NAV2: variants seen among roughly 807,000 people sequenced by gnomAD.
The protein encoded by NAV2 is helicase, APC down-regulated 1.
Under a neutral mutation model 223.2 loss-of-function variants are expected in NAV2, and 54 were observed. The ratio of observed to expected loss-of-function variants is 0.24; its 90% CI spans 0.19 to 0.30. NAV2 has a LOEUF of 0.30. NAV2 is among the 10% of genes least tolerant of loss of function. The probability of loss-of-function intolerance (pLI) is 1.00; values close to 1 mark genes in which losing one functional copy is unlikely to be tolerated. For missense variants in NAV2, 2,806 were observed against 3,147.5 expected (o/e 0.89, Z 2.60); for synonymous variants, 1,279 against 1,239.3 (o/e 1.03, Z -0.67).
chr11:19,777,742 A>T, intron 1 of NAV2: 1 of 414,212 alleles, frequency 2.4e-6, no homozygotes. Context: ...GAGTCATTGA[A>T]GGGGGGTGGG....
chr11:19,540,072 T>G (rs1324483609), intron 1 of NAV2, among the ~76,000 whole-genome samples: 1 of 152,180 alleles, frequency 6.6e-6, no homozygotes, highest in African/African-American at 2.4e-5. Context: ...TAAACACGAT[T>G]GAATATTCCT....
chr11:20,086,568 C>T (rs1302234574), intron 26 of NAV2, among the ~76,000 whole-genome samples: 2 of 152,090 alleles, frequency 1.3e-5, no homozygotes, highest in African/African-American at 2.4e-5. Flanking sequence ...ATTATTTGTT[C>T]TCTGTCCCCC....
intron 1 of NAV2, among the ~76,000 whole-genome samples, chr11:19,604,424 C>A (rs1162448730): frequency 6.6e-6 from 1 of 152,030 alleles, no homozygotes; most frequent in East Asian, 1.9e-4. Flanking sequence ...AAAATGACTC[C>A]AAGCATTGGG....
chr11:19,723,267 G>A (rs968981387), intron 1 of NAV2, among the ~76,000 whole-genome samples: 4 of 152,180 alleles, frequency 2.6e-5, no homozygotes, highest in Admixed American at 6.5e-5. Flanking sequence ...ATCCTCAAAC[G>A]AACTTTCTGA....
At chr11:19,972,647 T>C (rs973727647) in intron 10 of NAV2, among the ~76,000 whole-genome samples, 3 of 151,738 alleles carry the variant, frequency 2.0e-5, no homozygotes, top group African/African-American at 7.2e-5. Flanking sequence ...AAGCCAATAT[T>C]GCCTGGCAGA....
chr11:19,977,683 C>T (rs2049884928), intron 10 of NAV2, among the ~76,000 whole-genome samples: 1 of 152,006 alleles, frequency 6.6e-6, no homozygotes, highest in Non-Finnish European at 1.5e-5. Context: ...TTATAATTCG[C>T]ACTGAGAAAT....
intron 1 of NAV2, among the ~76,000 whole-genome samples, chr11:19,627,030 G>A (rs2047190899): frequency 6.6e-6 from 1 of 152,284 alleles, no homozygotes. Flanking sequence ...TTACCCTCAG[G>A]TGCTAAAGTG....
At chr11:19,855,384 A>G (rs541963406) in intron 3 of NAV2, among the ~76,000 whole-genome samples, 1 of 152,308 alleles carries the variant, frequency 6.6e-6, no homozygotes, top group Admixed American at 6.5e-5. Flanking sequence ...CCACCTGGTC[A>G]TTCGAAATCC....
chr11:19,682,967 T>C (rs933687449), intron 1 of NAV2, among the ~76,000 whole-genome samples: 12 of 152,220 alleles, frequency 7.9e-5, no homozygotes, highest in African/African-American at 2.9e-4. Context: ...TTTTCCAAGG[T>C]TGCAGAACTA....
intron 1 of NAV2, among the ~76,000 whole-genome samples, chr11:19,495,641 C>T (rs572579490): frequency 6.6e-6 from 1 of 152,218 alleles, no homozygotes; most frequent in Admixed American, 6.5e-5. Flanking sequence ...TTATTCTAGG[C>T]ACAGGTATAT....
intron 1 of NAV2, among the ~76,000 whole-genome samples, chr11:19,749,885 C>A (rs2053661684): frequency 6.6e-6 from 1 of 152,234 alleles, no homozygotes; most frequent in African/African-American, 2.4e-5. Context: ...TGCCTCACGT[C>A]TATGGCTTTG....
intron 12 of NAV2, among the ~76,000 whole-genome samples, chr11:20,036,457 C>T (rs900781850): frequency 6.6e-6 from 1 of 152,184 alleles, no homozygotes; most frequent in Non-Finnish European, 1.5e-5. Flanking sequence ...TTATTTGCCG[C>T]AGCAAGCCAC....
chr11:20,011,943 A>G (rs2053594275), intron 11 of NAV2, among the ~76,000 whole-genome samples: 1 of 152,240 alleles, frequency 6.6e-6, no homozygotes, highest in Non-Finnish European at 1.5e-5. Context: ...GCTGCCAATA[A>G]AGCTTGTATT....
chr11:20,003,213 G>A (rs11604179), intron 11 of NAV2, among the ~76,000 whole-genome samples: 7,171 of 152,302 alleles, frequency 0.047, 227 homozygotes, highest in South Asian at 0.12. Context: ...CCCTGTGCTA[G>A]GTGCTCTAAA....
At chr11:20,088,450 C>T (rs1432249856) in intron 26 of NAV2, among the ~76,000 whole-genome samples, 1 of 152,206 alleles carries the variant, frequency 6.6e-6, no homozygotes, top group African/African-American at 2.4e-5. Context: ...GCTGGGATTA[C>T]AGGCGTGAGC....
chr11:19,880,054 C>G lies in NAV2; in HGVS notation c.697C>G (p.Pro233Ala). 1 of 1,613,398 alleles carries G rather than the reference C, an allele frequency of 6.2e-7. No homozygotes were observed. Among genetic ancestry groups the G allele is most frequent in the African/African-American group, 1.3e-5 (1 of 75,058 alleles). ...CCCTCAGCAGCAGGTGCCAGTCACT[C>G]CCCAAGCCCCGTGCCAGCCTCACCA... ...GTPQQQVPVTPQAPCQPHQPA... is the reference protein window; with the variant it reads ...GTPQQQVPVTAQAPCQPHQPA... Residue 233 changes from proline to alanine, a missense_variant, in exon 5 of 38, where the codon CCC becomes GCC. Physicochemically the swap from Pro to Ala is conservative, Grantham distance 27. Transcript: ENST00000349880.
intron 1 of NAV2, among the ~76,000 whole-genome samples, chr11:19,676,976 G>C (rs532686483): frequency 6.6e-6 from 1 of 152,222 alleles, no homozygotes; most frequent in East Asian, 1.9e-4. Flanking sequence ...GCATGTGTGA[G>C]TTTGTGGGCG....
intron 1 of NAV2, among the ~76,000 whole-genome samples, chr11:19,759,350 T>C (rs942391963): frequency 2.4e-4 from 36 of 152,270 alleles, no homozygotes; most frequent in African/African-American, 8.2e-4. Flanking sequence ...CCCAAAGTGC[T>C]GGGATTACAG....
chr11:20,072,692 T>A (rs376412873), intron 22 of NAV2, among the ~76,000 whole-genome samples: 4 of 152,146 alleles, frequency 2.6e-5, no homozygotes, highest in African/African-American at 9.7e-5. Flanking sequence ...ATTCTCTTTG[T>A]AGCAATTGTG....
Sources: gnomAD v4.1 joint callset for allele counts (sites outside exome capture counted in the v4.1 genomes callset) on GRCh38, gnomAD v4.1.1 for gene constraint, MANE v1.5 for transcripts, NCBI Gene and HGNC (gene_info 2026-07-23, HGNC 2026-07-21) for gene names.